The following KIF21A variants were observed in gnomAD, a reference collection of about 807,000 sequenced individuals.
KIF21A encodes the protein kinesin family member 21A.
KIF21A carries 114 observed loss-of-function variants against 202.9 expected under a neutral mutation model. The ratio of observed to expected loss-of-function variants is 0.56; its 90% confidence interval spans 0.48 to 0.66. The LOEUF (loss-of-function observed/expected upper bound fraction) is 0.66, where lower values mean the gene tolerates loss of function less well. Ranked by LOEUF, KIF21A falls within the 30% of genes least tolerant of loss-of-function variation. The probability of loss-of-function intolerance (pLI) is 0.00; values close to 1 mark genes in which losing one functional copy is unlikely to be tolerated. For missense variants in KIF21A, 1,677 were observed against 1,994.9 expected (o/e 0.84, Z 3.04); for synonymous variants, 667 against 670.8 (o/e 0.99, Z 0.09).
chr12:39,333,362 T>C (rs1946671412), intron 17 of KIF21A, 82 bp from the exon 18 acceptor site: 5 of 1,034,928 alleles, frequency 4.8e-6, no homozygotes, highest in South Asian at 1.3e-5. Flanking sequence ...TATTTCCCCA[T>C]ACCCCTGGGA....
Position 39,409,462 on chromosome 12 carries a change from G to T in KIF21A, c.44+33465C>A, listed in dbSNP as rs1592605763. Among the ~76,000 whole-genome samples, 3 of 151,160 alleles carry T rather than the reference G, an allele frequency of 2.0e-5. No individual in the cohort carries two copies. The South Asian group carries it at 6.3e-4, about 32-fold the overall frequency. On this transcript the variant is annotated intron_variant, in intron 1 of 37. Coordinates refer to ENST00000361418, the MANE Select transcript of KIF21A (RefSeq NM_001173464.2). ...TGTTTGAGCCTGGGAGGCTGAGGCT[G>T]CAGTGAGCCATGACTGCACCACTGA...
intron 23 of KIF21A, 93 bp downstream of exon 23, chr12:39,330,653 A>G (rs1946430590): frequency 1.9e-6 from 2 of 1,034,716 alleles, no homozygotes; most frequent in Admixed American, 3.5e-5. Flanking sequence ...GCATCTATTC[A>G]GTCAAGCCAT....
Position 39,342,548 on chromosome 12 carries a change from G to A in KIF21A, c.1713-424C>T, listed in dbSNP as rs542988919. Among the ~76,000 whole-genome samples, 141 of 152,242 alleles carry A rather than the reference G, an allele frequency of 9.3e-4. 4 individuals carry two copies. The South Asian group carries it at 0.029, about 31-fold the overall frequency. On this transcript the variant is annotated intron_variant, in intron 12 of 37. Coordinates refer to ENST00000361418, the MANE Select transcript of KIF21A (RefSeq NM_001173464.2). ...TATAAAAAACTACATTTTCACTGAT[G>A]TCCTAATACATTTAAGAGTAAATTT... is the stretch of plus-strand genomic sequence containing the variant.
intron 37 of KIF21A, among the ~76,000 whole-genome samples, chr12:39,297,199 T>A (rs545476687): frequency 6.6e-6 from 1 of 152,292 alleles, no homozygotes; most frequent in African/African-American, 2.4e-5. Flanking sequence ...AATGAGCAGG[T>A]TTCTTGAAAA....
intron 1 of KIF21A, among the ~76,000 whole-genome samples, chr12:39,416,635 A>ATATATGTACATATATATGTGTGTG (rs1953643356): frequency 7.2e-6 from 1 of 139,328 alleles, no homozygotes; most frequent in Non-Finnish European, 1.5e-5. Context: ...ATATGTGTAT[A>ATATATGTACATATATATGTGTGTG]TATATATATG....
chr12:39,367,333 T>A (rs1184854627), intron 4 of KIF21A, 169 bp from the exon 5 acceptor site: 1 of 663,472 alleles, frequency 1.5e-6, no homozygotes, highest in Non-Finnish European at 2.6e-6. Context: ...CTTCTCAGTA[T>A]AATAGTGTAT....
intron 32 of KIF21A, among the ~76,000 whole-genome samples, chr12:39,310,561 T>G (rs1943929637): frequency 1.3e-5 from 2 of 152,076 alleles, no homozygotes; most frequent in Admixed American, 6.6e-5. Context: ...CTTATACATA[T>G]TCCATTTTTC....
rs1939889617 is a variant in KIF21A at position 39,443,073 on chromosome 12, G to A, written c.-103C>T. ...GCGCAGTAGGCTGGGGCGTCTGCGGGCGGGCGGCCGGCTCACCTCCGCCGC... is the reference window on the plus strand; with the variant it reads ...GCGCAGTAGGCTGGGGCGTCTGCGGACGGGCGGCCGGCTCACCTCCGCCGC... On this transcript the variant is annotated 5_prime_UTR_variant, in exon 1 of 38. Coordinates refer to ENST00000361418, the MANE Select transcript of KIF21A (RefSeq NM_001173464.2). 2.8e-5 allele frequency: 35 copies of A among 1,230,934 alleles called. No individual in the cohort carries two copies. The highest frequency in any genetic ancestry group is 3.6e-5 in the Non-Finnish European group (34 of 940,836). The allele number at this position is 1,230,934 out of a possible 1,614,324, so 76.3% of individuals were successfully genotyped here.
intron 1 of KIF21A, among the ~76,000 whole-genome samples, chr12:39,377,696 T>C (rs1373270613): frequency 2.0e-5 from 3 of 152,140 alleles, no homozygotes; most frequent in Non-Finnish European, 4.4e-5. Context: ...CTTCAAGACA[T>C]TCAAGAAAGA....
intron 1 of KIF21A, among the ~76,000 whole-genome samples, chr12:39,420,320 G>C (rs1427842267): frequency 3.9e-5 from 6 of 152,086 alleles, no homozygotes. Context: ...GGAGCCAGGG[G>C]ATTCCCAAGA....
chr12:39,395,659 TG>T (rs897645288), intron 1 of KIF21A, among the ~76,000 whole-genome samples: 5 of 151,646 alleles, frequency 3.3e-5, no homozygotes, highest in Non-Finnish European at 5.9e-5. Context: ...CTGGCCAACA[TG>T]GGGAAACCCG....
intron 12 of KIF21A, among the ~76,000 whole-genome samples, chr12:39,342,861 T>C (rs1947561270): frequency 6.6e-6 from 1 of 152,192 alleles, no homozygotes; most frequent in Admixed American, 6.6e-5. Context: ...CAGCCATAAC[T>C]ACACACATAC....
chr12:39,314,598 T>G (rs1301506746), intron 31 of KIF21A, among the ~76,000 whole-genome samples: 4 of 151,856 alleles, frequency 2.6e-5, no homozygotes, highest in Non-Finnish European at 5.9e-5. Flanking sequence ...GTGCATTTAA[T>G]AACAAATCTT....
At chr12:39,357,200 C>G in intron 9 of KIF21A, 48 bp downstream of exon 9, 2 of 1,503,952 alleles carry the variant, frequency 1.3e-6, no homozygotes, top group South Asian at 2.3e-5. Context: ...AGAATGTTCC[C>G]TGCCCTCCAG....
At chr12:39,368,402 T>G (rs887258084) in intron 3 of KIF21A, among the ~76,000 whole-genome samples, 8 of 152,178 alleles carry the variant, frequency 5.3e-5, no homozygotes, top group Admixed American at 3.3e-4. Context: ...TTTTACTACT[T>G]GAGCTAAAAA....
intron 1 of KIF21A, among the ~76,000 whole-genome samples, chr12:39,434,405 C>T (rs1381248353): frequency 2.0e-5 from 3 of 152,222 alleles, no homozygotes; most frequent in Non-Finnish European, 2.9e-5. Context: ...GACACATGAT[C>T]TTTCGGAGGG....
chr12:39,305,139 A>T (rs1275267863), intron 34 of KIF21A, among the ~76,000 whole-genome samples: 4 of 151,716 alleles, frequency 2.6e-5, no homozygotes, highest in Non-Finnish European at 5.9e-5. Flanking sequence ...ACCGAGGTGG[A>T]CGTATCACCT....
intron 11 of KIF21A, among the ~76,000 whole-genome samples, chr12:39,349,619 A>G (rs1331217462): frequency 6.6e-6 from 1 of 152,078 alleles, no homozygotes; most frequent in Non-Finnish European, 1.5e-5. Flanking sequence ...CTTTGGCTAA[A>G]TGAGGGCTTA....
chr12:39,426,932 T>A (rs940199566), intron 1 of KIF21A, among the ~76,000 whole-genome samples: 2 of 151,814 alleles, frequency 1.3e-5, no homozygotes, highest in Non-Finnish European at 2.9e-5. Flanking sequence ...CGTTTTACTG[T>A]CTGAGAAAGT....
Sources: gnomAD v4.1 joint callset for allele counts (sites outside exome capture counted in the v4.1 genomes callset) on GRCh38, gnomAD v4.1.1 for gene constraint, MANE v1.5 for transcripts, NCBI Gene and HGNC (gene_info 2026-07-23, HGNC 2026-07-21) for gene names.